Variants in CCDC25 observed in about 807,000 individuals in gnomAD.
CCDC25 encodes the protein coiled-coil domain-containing protein 25.
In CCDC25, 16 loss-of-function variants were observed where a neutral mutation model predicts 35.3. The ratio of observed to expected loss-of-function variants is 0.45; its 90% CI spans 0.31 to 0.69. The LOEUF (loss-of-function observed/expected upper bound fraction) is 0.69, where lower values mean the gene tolerates loss of function less well. Ranked by LOEUF, CCDC25 falls within the 30% of genes least tolerant of loss-of-function variation. CCDC25 has a pLI of 0.06. For synonymous variants in CCDC25, 79 were observed against 80.3 expected, an observed-to-expected ratio of 0.98 and a Z score of 0.09; for missense variants, 179 against 250.7, an observed-to-expected ratio of 0.71 and a Z score of 1.93.
intron 1 of CCDC25, among the ~76,000 whole-genome samples, chr8:27,765,555 T>C (rs933466777): frequency 2.6e-5 from 4 of 152,108 alleles, no homozygotes; most frequent in African/African-American, 9.7e-5. Context: ...TAATAGCTAC[T>C]TTCCTACTTT....
Position 27,747,970 on chromosome 8 carries a change from A to T in CCDC25, c.551+107T>A, listed in dbSNP as rs559279632. 523 of 1,082,768 alleles carry T rather than the reference A, an allele frequency of 4.8e-4. 4 individuals carry two copies. The highest frequency in any genetic ancestry group is 1.5e-3 in the South Asian group (98 of 66,566). The allele number at this position is 1,082,768 out of a possible 1,614,324, so 67.1% of individuals were successfully genotyped here. On this transcript the variant is annotated intron_variant, in intron 7 of 8. Transcript: ENST00000356537. ...AGGTTGAGCTTAAGCTGAGCTTGTT[A>T]CATGTCCCTCCTTCCACCAATATAT...
intron 2 of CCDC25, among the ~76,000 whole-genome samples, chr8:27,764,098 C>T (rs1262287816): frequency 5.9e-5 from 9 of 152,096 alleles, no homozygotes; most frequent in Non-Finnish European, 1.3e-4. Context: ...ATGTTTCTAT[C>T]GAGTTCTTGG....
At chr8:27,746,554 C>A (rs1219333544) in intron 7 of CCDC25, among the ~76,000 whole-genome samples, 1 of 152,022 alleles carries the variant, frequency 6.6e-6, no homozygotes, top group Non-Finnish European at 1.5e-5. Context: ...TTTCAGTTTC[C>A]CCCCACTCCA....
chr8:27,746,314 A>G (rs1803601327), intron 7 of CCDC25, among the ~76,000 whole-genome samples: 1 of 152,212 alleles, frequency 6.6e-6, no homozygotes, highest in Non-Finnish European at 1.5e-5. Context: ...TTCCTCTTCT[A>G]TAAGATGCAG....
intron 1 of CCDC25, among the ~76,000 whole-genome samples, chr8:27,772,259 G>C (rs1804650662): frequency 2.0e-5 from 3 of 152,236 alleles, no homozygotes; most frequent in Admixed American, 2.0e-4. Context: ...CCGATTAGGG[G>C]ACGAGAACTC....
Position 27,737,785 on chromosome 8 carries a change from T to C in CCDC25, c.598-1540A>G, listed in dbSNP as rs1032852074. Among the ~76,000 whole-genome samples the C allele has an allele frequency of 6.6e-6, 1 of 152,096 alleles. No individual in the cohort carries two copies. Among genetic ancestry groups the C allele is most frequent in the Non-Finnish European group, 1.5e-5 (1 of 68,028 alleles). On this transcript the variant is annotated intron_variant, in intron 8 of 8. Transcript: ENST00000356537. This position sits in a 1 kb window ranked among gnomAD's most constrained non-coding sequence, Gnocchi z 4.6. ...AAAAAGATACTTGCACACACATGTT[T>C]ACAGTGGCACAATTCACAATTGCAA...
Position 27,736,051 on chromosome 8 carries a change from C to A in CCDC25, c.*165G>T. 1 of 614,856 alleles carries A rather than the reference C, an allele frequency of 1.6e-6. No homozygotes were observed. Among genetic ancestry groups the A allele is most frequent in the Non-Finnish European group, 2.8e-6 (1 of 359,508 alleles). The allele number at this position is 614,856 out of a possible 1,614,324, so 38.1% of individuals were successfully genotyped here. ...TACATATCTGATCCTTTTCTGTCAG[C>A]AAAAAAGGTACAATTTTTTTAAAAC... is the stretch of plus-strand genomic sequence containing the variant. On this transcript the variant is annotated 3_prime_UTR_variant, in exon 9 of 9. Coordinates refer to ENST00000356537, the MANE Select transcript of CCDC25 (RefSeq NM_018246.3).
rs2128949851 is a variant in CCDC25 at position 27,772,620 on chromosome 8, G to A, written c.-80C>T. ...AAGCTCAGGATACCAGACTCGCGGCGGCCGCCTGGCCCCCGGAACTCCTCC... is the reference window on the plus strand; with the variant it reads ...AAGCTCAGGATACCAGACTCGCGGCAGCCGCCTGGCCCCCGGAACTCCTCC... On this transcript the variant is annotated 5_prime_UTR_variant, in exon 1 of 9. Transcript: ENST00000356537. 4.2e-6 allele frequency: 6 copies of A among 1,429,240 alleles called. No homozygotes were observed. Among genetic ancestry groups the A allele is most frequent in the Non-Finnish European group, 5.8e-6 (6 of 1,042,784 alleles). 88.5% of individuals were successfully genotyped at this position (1,429,240 alleles called of 1,614,324 possible).
In CCDC25 at chr8:27,735,147, T is replaced by A. The variant is rs761609151; in HGVS notation, c.*1069A>T. ...ACACATACACAAAACCACTCATCTC[T>A]AAAGTCATTTTCTATACCCTCTCAA... is the stretch of plus-strand genomic sequence containing the variant. On this transcript the variant is annotated 3_prime_UTR_variant, in exon 9 of 9. Coordinates refer to ENST00000356537, the MANE Select transcript of CCDC25 (RefSeq NM_018246.3). 6.6e-6 allele frequency: 1 copy of A among 152,616 alleles called. No homozygotes were observed. The highest frequency in any genetic ancestry group is 1.5e-5 in the Non-Finnish European group (1 of 68,040). 9.5% of individuals were successfully genotyped at this position (152,616 alleles called of 1,614,324 possible).
At chr8:27,738,103 G>A (rs1184641660) in intron 8 of CCDC25, among the ~76,000 whole-genome samples, 1 of 151,988 alleles carries the variant, frequency 6.6e-6, no homozygotes, top group African/African-American at 2.4e-5. Context: ...TGGACTTTGG[G>A]GACTTAGGGG....
rs1213233922 is a variant in CCDC25 at position 27,733,834 on chromosome 8, A to C, written c.*2382T>G. ...TTCCTCATAAACGGTTCCAGCTTGG[A>C]AAACAAGAGCTTCCCCTCTCAGACA... On this transcript the variant is annotated 3_prime_UTR_variant, in exon 9 of 9. Transcript: ENST00000356537. 1 of 152,148 alleles carries C rather than the reference A, an allele frequency of 6.6e-6. No homozygotes were observed. 9.4% of individuals were successfully genotyped at this position (152,148 alleles called of 1,614,324 possible). A position where few individuals can be genotyped will look rare whatever the true frequency, so the allele number is the denominator to read the frequency against.
intron 1 of CCDC25, among the ~76,000 whole-genome samples, chr8:27,768,948 C>A (rs995182212): frequency 6.6e-6 from 1 of 152,130 alleles, no homozygotes; most frequent in Non-Finnish European, 1.5e-5. Context: ...CCTTATGAGA[C>A]AGCATGAAAG....
chr8:27,741,546 C>T lies in CCDC25; in HGVS notation c.552-1029G>A, dbSNP rs1298625333. On this transcript the variant is annotated intron_variant, in intron 7 of 8. Coordinates refer to ENST00000356537, the MANE Select transcript of CCDC25 (RefSeq NM_018246.3). ...ATACAAAAATTAGCAAGCGTGGTGG[C>T]GTGCACCTGTAATCCCAGCTACTCA... Among the ~76,000 whole-genome samples, 13 of 152,122 alleles carry T rather than the reference C, an allele frequency of 8.5e-5. No homozygotes were observed. In the South Asian group the frequency reaches 1.3e-3, roughly 15 times the overall value.
At chr8:27,754,303 T>A (rs547751622) in intron 4 of CCDC25, among the ~76,000 whole-genome samples, 1 of 152,168 alleles carries the variant, frequency 6.6e-6, no homozygotes, top group Non-Finnish European at 1.5e-5. Context: ...ATAACAAATA[T>A]GAAAATTATA....
At chr8:27,771,669 G>C (rs1335280664) in intron 1 of CCDC25, among the ~76,000 whole-genome samples, 1 of 152,162 alleles carries the variant, frequency 6.6e-6, no homozygotes. Context: ...AGCTCAAGCA[G>C]ACACCATTTA....
intron 2 of CCDC25, among the ~76,000 whole-genome samples, chr8:27,762,822 T>C (rs2128945776): frequency 6.6e-6 from 1 of 152,252 alleles, no homozygotes; most frequent in Non-Finnish European, 1.5e-5. Flanking sequence ...GCTGAAACTT[T>C]AAAGAAATAT....
Position 27,748,214 on chromosome 8 carries a change from G to A in CCDC25, c.414C>T (p.Val138=), listed in dbSNP as rs773131630. ...EILNRLEKTK[V]ERFPDLAAEK... is the part of the protein sequence containing the mutation. ...CTGCTGCTAGGTCTGGGAACCGCTC[G>A]ACTTTGGTCTTTTCTAATCGGTTCA... is the stretch of plus-strand genomic sequence containing the variant. Residue 138 remains valine, a synonymous_variant, in exon 7 of 9, where the codon GTC becomes GTT. Coordinates refer to ENST00000356537, the MANE Select transcript of CCDC25 (RefSeq NM_018246.3). 18 of 1,613,726 alleles carry A rather than the reference G, an allele frequency of 1.1e-5. No homozygotes were observed. Among genetic ancestry groups the A allele is most frequent in the South Asian group, 2.2e-5 (2 of 91,074 alleles).
chr8:27,764,479 A>G (rs763874471), intron 2 of CCDC25: 1 of 384,042 alleles, frequency 2.6e-6, no homozygotes, highest in African/African-American at 2.2e-5. Flanking sequence ...GGGTCTCCCT[A>G]TGTTGCTCAG....
At chr8:27,770,287 C>A in intron 1 of CCDC25, among the ~76,000 whole-genome samples, 1 of 151,190 alleles carries the variant, frequency 6.6e-6, no homozygotes, top group East Asian at 1.9e-4. Context: ...ACTAAAAATA[C>A]AAAAATCAGC....
Sources: gnomAD v4.1 joint callset for allele counts (sites outside exome capture counted in the v4.1 genomes callset) on GRCh38, gnomAD v4.1.1 for gene constraint, Gnocchi (gnomAD v3.1) non-coding constraint, MANE v1.5 for transcripts, NCBI Gene and HGNC (gene_info 2026-07-23, HGNC 2026-07-21) for gene names.